The following PLCE1 variants were observed in gnomAD, a reference collection of about 807,000 sequenced individuals.
The protein encoded by PLCE1 is 1-phosphatidylinositol 4,5-bisphosphate phosphodiesterase epsilon-1.
In PLCE1, 119 loss-of-function variants were observed where a neutral mutation model predicts 242.8. That is an observed-to-expected ratio of 0.49 (90% confidence interval 0.42 to 0.57). PLCE1 has a LOEUF of 0.57. Among genes scored for constraint, PLCE1 ranks in the 20% least tolerant of loss-of-function variants. The pLI, the probability that PLCE1 is intolerant of heterozygous loss-of-function variation, is 0.00. For synonymous variants in PLCE1, 945 were observed against 1,017.4 expected, an observed-to-expected ratio of 0.93 and a Z score of 1.35; for missense variants, 2,441 against 2,788.8, an observed-to-expected ratio of 0.88 and a Z score of 2.81.
intron 11 of PLCE1, among the ~76,000 whole-genome samples, chr10:94,258,408 A>G (rs1249766937): frequency 2.6e-5 from 4 of 152,244 alleles, no homozygotes. Flanking sequence ...ATAACTTAGA[A>G]TATAGAAAAG....
At chr10:94,258,559 A>G (rs1014907491) in intron 11 of PLCE1, among the ~76,000 whole-genome samples, 1 of 152,256 alleles carries the variant, frequency 6.6e-6, no homozygotes, top group African/African-American at 2.4e-5. Context: ...TATTAACCTC[A>G]GCCCTGGGCC....
chr10:94,262,470 T>C lies in PLCE1; in HGVS notation c.3815-24T>C, dbSNP rs371710213. On this transcript the variant is annotated intron_variant, in intron 13 of 32. Transcript: ENST00000371380. ...CAAAAGATGCTGGCTATCTTGTCCA[T>C]GTACTGTGGTGATTCTGTTTCAGAT... 5.3e-4 allele frequency: 772 copies of C among 1,464,234 alleles called. 1 individual carries two copies. Among genetic ancestry groups the C allele is most frequent in the Non-Finnish European group, 7.2e-4 (752 of 1,043,634 alleles). 90.7% of individuals were successfully genotyped at this position (1,464,234 alleles called of 1,614,324 possible).
chr10:94,285,195 G>C (rs542498318), intron 22 of PLCE1, among the ~76,000 whole-genome samples: 32 of 152,152 alleles, frequency 2.1e-4, no homozygotes, highest in African/African-American at 7.7e-4. Flanking sequence ...TTTTATAATA[G>C]TTAATAATTA....
At chr10:94,102,212 C>T (rs142928128) in intron 2 of PLCE1, among the ~76,000 whole-genome samples, 99 of 152,236 alleles carry the variant, frequency 6.5e-4, no homozygotes, top group African/African-American at 2.4e-3. Flanking sequence ...GTCTAGGGGG[C>T]ATTGTTTTTA....
intron 2 of PLCE1, among the ~76,000 whole-genome samples, chr10:94,082,860 A>G (rs557778265): frequency 2.8e-4 from 42 of 152,370 alleles, no homozygotes; most frequent in African/African-American, 8.7e-4. Flanking sequence ...TCCACTGAAA[A>G]CTACAGGACA....
chr10:94,062,961 T>C (rs969776170), intron 2 of PLCE1, among the ~76,000 whole-genome samples: 19 of 152,272 alleles, frequency 1.2e-4, no homozygotes, highest in African/African-American at 4.6e-4. Flanking sequence ...TCATCTCCTC[T>C]CTTTACCCAC....
At chr10:94,280,422 C>T (rs894157882) in intron 20 of PLCE1, 1 of 159,924 alleles carries the variant, frequency 6.3e-6, no homozygotes, top group Non-Finnish European at 1.4e-5. Flanking sequence ...CTTCTGGCCC[C>T]ACCAAAGAGA....
intron 4 of PLCE1, among the ~76,000 whole-genome samples, chr10:94,221,742 A>G (rs1324337465): frequency 6.6e-6 from 1 of 151,854 alleles, no homozygotes; most frequent in Non-Finnish European, 1.5e-5. Flanking sequence ...CTAAAAAAAA[A>G]GAAGAAGAAG....
intron 2 of PLCE1, among the ~76,000 whole-genome samples, chr10:94,127,941 C>A (rs867046349): frequency 6.6e-6 from 1 of 151,484 alleles, no homozygotes; most frequent in African/African-American, 2.4e-5. Flanking sequence ...TTCCATGATT[C>A]CTTCTTTTTC....
chr10:94,180,232 A>C (rs1355982794), intron 4 of PLCE1, among the ~76,000 whole-genome samples: 1 of 152,190 alleles, frequency 6.6e-6, no homozygotes, highest in Non-Finnish European at 1.5e-5. Flanking sequence ...AATAGGATTC[A>C]GAATTTTTTT....
intron 2 of PLCE1, among the ~76,000 whole-genome samples, chr10:94,077,661 C>A (rs779746420): frequency 6.6e-6 from 1 of 152,040 alleles, no homozygotes; most frequent in Non-Finnish European, 1.5e-5. Context: ...CTAGCTACTC[C>A]GGAGGCTGAG....
intron 2 of PLCE1, among the ~76,000 whole-genome samples, chr10:94,130,027 A>G (rs1485748093): frequency 6.6e-6 from 1 of 152,212 alleles, no homozygotes; most frequent in Non-Finnish European, 1.5e-5. Context: ...TTTCCAAGGC[A>G]CAGGTCAAAC....
intron 2 of PLCE1, among the ~76,000 whole-genome samples, chr10:94,072,992 G>T (rs1195202064): frequency 1.3e-5 from 2 of 152,068 alleles, no homozygotes; most frequent in Admixed American, 6.6e-5. Flanking sequence ...TCCAGCTGCA[G>T]AGCCTCTTTT....
chr10:94,056,389 A>G (rs543706797), intron 2 of PLCE1, among the ~76,000 whole-genome samples: 4 of 152,300 alleles, frequency 2.6e-5, no homozygotes, highest in African/African-American at 9.6e-5. Flanking sequence ...ATAATTGTGT[A>G]CTAAATACCT....
At chr10:94,150,788 A>G in intron 3 of PLCE1, among the ~76,000 whole-genome samples, 1 of 151,910 alleles carries the variant, frequency 6.6e-6, no homozygotes, top group Non-Finnish European at 1.5e-5. Context: ...GCCTCTGAGC[A>G]CTCTCCTTTA....
At chr10:94,173,232 C>T (rs990088512) in intron 4 of PLCE1, among the ~76,000 whole-genome samples, 8 of 152,172 alleles carry the variant, frequency 5.3e-5, no homozygotes, top group East Asian at 1.9e-4. Flanking sequence ...CTGCTTCCCA[C>T]CTGCAGCAGG....
chr10:94,205,954 G>A (rs531942732), intron 4 of PLCE1, among the ~76,000 whole-genome samples: 55 of 152,266 alleles, frequency 3.6e-4, no homozygotes, highest in African/African-American at 1.2e-3. Flanking sequence ...TAGGCTCTAC[G>A]GATCCAGCAA....
chr10:94,139,342 A>G (rs2046884829), intron 3 of PLCE1: 1 of 160,536 alleles, frequency 6.2e-6, no homozygotes, highest in African/African-American at 2.4e-5. Flanking sequence ...GACTCTGATG[A>G]AGAGGGAAAG....
intron 4 of PLCE1, among the ~76,000 whole-genome samples, chr10:94,195,928 A>C (rs1225651664): frequency 6.6e-6 from 1 of 152,168 alleles, no homozygotes; most frequent in Admixed American, 6.5e-5. Context: ...CCATAAGATA[A>C]AGAATTAGGC....
Sources: allele counts gnomAD v4.1 joint callset (sites outside exome capture counted in the v4.1 genomes callset), GRCh38; gene constraint gnomAD v4.1.1; transcripts MANE v1.5; gene names NCBI Gene and HGNC (gene_info 2026-07-23, HGNC 2026-07-21).